The following FOXRED1 variants were observed in gnomAD, a reference collection of about 807,000 sequenced individuals.
FOXRED1 encodes the protein FAD dependent oxidoreductase domain containing 1.
In FOXRED1, 52 loss-of-function variants were observed where a neutral mutation model predicts 57.8. The ratio of observed to expected loss-of-function variants is 0.90; its 90% CI spans 0.72 to 1.13. The LOEUF (loss-of-function observed/expected upper bound fraction) is 1.13. Ranked by LOEUF, FOXRED1 falls within the 50% of genes most tolerant of loss-of-function variation. The pLI is 0.00. For synonymous variants in FOXRED1, 271 were observed against 248.3 expected (o/e 1.09, Z -0.86); for missense variants, 589 against 625.2 (o/e 0.94, Z 0.62).
chr11:126,270,174 T>C (rs1283966497), intron 1 of FOXRED1, among the ~76,000 whole-genome samples: 4 of 152,152 alleles, frequency 2.6e-5, no homozygotes, highest in Non-Finnish European at 4.4e-5. Flanking sequence ...GAGAAAAATA[T>C]TGTTCTTATG....
At position 126,269,226 on chromosome 11, in the gene FOXRED1, C is replaced by CG; in HGVS notation, c.21dup (p.His8AlafsTer29). On this transcript the variant is annotated frameshift_variant, in exon 1 of 11. Coordinates refer to ENST00000263578, the MANE Select transcript of FOXRED1 (RefSeq NM_017547.4). LOFTEE classifies it high-confidence loss of function. Reference sequence around the variant, plus strand: ...GGGGTTATGATTCGGAGGGTTCTGCCGCACGGCATGGGCCGGGGCCTCTTG... The same window carrying CG: ...GGGGTTATGATTCGGAGGGTTCTGCCGGCACGGCATGGGCCGGGGCCTCTTG... The CG allele has an allele frequency of 6.2e-7, 1 of 1,613,992 alleles. No homozygotes were observed. Among genetic ancestry groups the CG allele is most frequent in the Middle Eastern group, 1.7e-4 (1 of 6,012 alleles).
Position 126,272,002 on chromosome 11 carries a change from C to A in FOXRED1, c.306+345C>A. 3.0e-6 allele frequency: 1 copy of A among 329,704 alleles called. No individual in the cohort carries two copies. The highest frequency in any genetic ancestry group is 5.9e-6 in the Non-Finnish European group (1 of 169,082). The allele number at this position is 329,704 out of a possible 1,614,324, so 20.4% of individuals were successfully genotyped here. On this transcript the variant is annotated intron_variant, in intron 2 of 10. Transcript: ENST00000263578. The surrounding 1 kb of genome is among the most constrained non-coding windows in gnomAD (Gnocchi z 4.6). ...TTTGAGACAGAGTCTTGCTCTGTCA[C>A]CCAGGCTGGAGTGCAATGGCACAAT...
At chr11:126,276,360 T>G in intron 8 of FOXRED1, 34 bp from the exon 9 acceptor site, 1 of 1,107,274 alleles carries the variant, frequency 9.0e-7, no homozygotes, top group South Asian at 1.8e-5. Flanking sequence ...GGCCATGCTG[T>G]TTCTGCAGTT....
At position 126,277,476 on chromosome 11, in the gene FOXRED1, T is replaced by A. The variant is rs1303962711; in HGVS notation, c.1248T>A (p.Phe416Leu). 2 of 1,613,346 alleles carry A rather than the reference T, an allele frequency of 1.2e-6. No individual in the cohort carries two copies. The highest frequency in any genetic ancestry group is 8.5e-7 in the Non-Finnish European group (1 of 1,180,022). Residue 416 changes from phenylalanine to leucine, a missense_variant, in exon 11 of 11, where the codon TTT (phenylalanine) becomes TTA (leucine). Physicochemically the swap from Phe to Leu is conservative, Grantham distance 22 (BLOSUM62 0). Transcript: ENST00000263578. The surrounding 1 kb of genome is among the most constrained non-coding windows in gnomAD (Gnocchi z 6.8). Reference protein sequence around the residue: ...AWAGYYDYNTFDQNGVVGPHP... With the variant: ...AWAGYYDYNTLDQNGVVGPHP... ...CCGGCTATTACGACTACAACACCTT[T>A]GACCAGAATGGCGTGGTGGGCCCCC...
Position 126,271,351 on chromosome 11 carries a change from C to T in FOXRED1, c.86-86C>T. The T allele has an allele frequency of 3.1e-6, 3 of 968,538 alleles. No homozygotes were observed. Among genetic ancestry groups the T allele is most frequent in the Non-Finnish European group, 5.0e-6 (3 of 595,892 alleles). The allele number at this position is 968,538 out of a possible 1,614,324, so 60.0% of individuals were successfully genotyped here. The stretch of plus-strand genomic sequence containing the variant: ...ACTGCCAACTCATGTGTCTGTTTAG[C>T]TCACCTTTTCCTGTGCCCATCCTCC... On this transcript the variant is annotated intron_variant, in intron 1 of 10. Transcript: ENST00000263578. This position sits in a 1 kb window ranked among gnomAD's most constrained non-coding sequence, Gnocchi z 5.3.
Position 126,269,244 on chromosome 11 carries a change from G to C in FOXRED1, c.38G>C (p.Gly13Ala). The C allele has an allele frequency of 6.2e-7, 1 of 1,614,172 alleles. No homozygotes were observed. The highest frequency in any genetic ancestry group is 1.1e-5 in the South Asian group (1 of 91,088). ...RRVLPHGMGR[G>A]LLTRRPGTRR... is the part of the protein sequence containing the mutation. ...GTTCTGCCGCACGGCATGGGCCGGG[G>C]CCTCTTGACCCGGAGGCCAGGCACG... The change falls in exon 1 of 11, where the codon GGC (glycine) becomes GCC (alanine). Residue 13 changes from glycine (G) to alanine (A), a missense_variant. Transcript: ENST00000263578.
chr11:126,269,719 C>G (rs971932976), intron 1 of FOXRED1, among the ~76,000 whole-genome samples: 1 of 151,924 alleles, frequency 6.6e-6, no homozygotes, highest in African/African-American at 2.4e-5. Flanking sequence ...AGAGGCCGGG[C>G]GCGGGGCCTG....
In FOXRED1 at chr11:126,277,309, G is replaced by T; in HGVS notation, c.1207-126G>T. 7.6e-7 allele frequency: 1 copy of T among 1,319,994 alleles called. No homozygotes were observed. Among genetic ancestry groups the T allele is most frequent in the South Asian group, 1.2e-5 (1 of 84,558 alleles). 81.8% of individuals were successfully genotyped at this position (1,319,994 alleles called of 1,614,324 possible). On this transcript the variant is annotated intron_variant, in intron 10 of 10. Coordinates refer to ENST00000263578, the MANE Select transcript of FOXRED1 (RefSeq NM_017547.4). The surrounding 1 kb of genome is among the most constrained non-coding windows in gnomAD (Gnocchi z 6.8). ...GTCACAACTGCTAAGGAATTTCTTG[G>T]ACACATCCCATCCCATAGACCCCTC...
At position 126,274,921 on chromosome 11, in the gene FOXRED1, T is replaced by C; in HGVS notation, c.537-6T>C. ...ACACATACACCGACCCACACGTTTA[T>C]CTCAGGCAGGAGGGAGCCAAAGTTT... On this transcript the variant is annotated splice_region_variant and splice_polypyrimidine_tract_variant and intron_variant, in intron 4 of 10. Coordinates refer to ENST00000263578, the MANE Select transcript of FOXRED1 (RefSeq NM_017547.4). The surrounding 1 kb of genome is among the most constrained non-coding windows in gnomAD (Gnocchi z 4.8). 1 of 1,581,330 alleles carries C rather than the reference T, an allele frequency of 6.3e-7. No homozygotes were observed. The highest frequency in any genetic ancestry group is 8.7e-7 in the Non-Finnish European group (1 of 1,150,210).
Position 126,273,562 on chromosome 11 carries a change from G to T in FOXRED1, c.536+108G>T, listed in dbSNP as rs1339257979. The T allele has an allele frequency of 5.1e-6, 4 of 788,628 alleles. No homozygotes were observed. Among genetic ancestry groups the T allele is most frequent in the Admixed American group, 1.8e-5 (1 of 57,140 alleles). 48.9% of individuals were successfully genotyped at this position (788,628 alleles called of 1,614,324 possible). A position where few individuals can be genotyped will look rare whatever the true frequency, so the allele number is the denominator to read the frequency against. ...TGGAGTTGATAAGACAGATCCCTGC[G>T]GTCTAGGACCTCAGTGTGTCAGGAA... is the stretch of plus-strand genomic sequence containing the variant. On this transcript the variant is annotated intron_variant, in intron 4 of 10. Coordinates refer to ENST00000263578, the MANE Select transcript of FOXRED1 (RefSeq NM_017547.4). This position sits in a 1 kb window ranked among gnomAD's most constrained non-coding sequence, Gnocchi z 5.9.
rs1399036076 is a variant in FOXRED1 at position 126,277,029 on chromosome 11, T to C, written c.1102-42T>C. Reference sequence around the variant, plus strand: ...TTAAACAAGTCTGGGCCTGTCCTTGTGTCCCAGGCAATGTAAGCGTTGTCC... The same window carrying C: ...TTAAACAAGTCTGGGCCTGTCCTTGCGTCCCAGGCAATGTAAGCGTTGTCC... On this transcript the variant is annotated intron_variant, in intron 9 of 10. Coordinates refer to ENST00000263578, the MANE Select transcript of FOXRED1 (RefSeq NM_017547.4). The surrounding 1 kb of genome is among the most constrained non-coding windows in gnomAD (Gnocchi z 6.8). 1 of 1,205,056 alleles carries C rather than the reference T, an allele frequency of 8.3e-7. No homozygotes were observed. Among genetic ancestry groups the C allele is most frequent in the African/African-American group, 1.5e-5 (1 of 67,044 alleles). 74.6% of individuals were successfully genotyped at this position (1,205,056 alleles called of 1,614,324 possible).
Position 126,272,771 on chromosome 11 carries a change from T to C in FOXRED1, c.307-198T>C, listed in dbSNP as rs543497550. ...TCAGCTCTTTCCAGATGACTGACCC[T>C]CTCTGCTCTGCACATCCACTACTAA... On this transcript the variant is annotated intron_variant, in intron 2 of 10. Transcript: ENST00000263578. This position sits in a 1 kb window ranked among gnomAD's most constrained non-coding sequence, Gnocchi z 4.6. 8.3e-4 allele frequency: 538 copies of C among 645,116 alleles called. 2 individuals carry two copies. In the African/African-American group the frequency reaches 8.7e-3, roughly 10 times the overall value. The allele number at this position is 645,116 out of a possible 1,614,324, so 40.0% of individuals were successfully genotyped here. A position where few individuals can be genotyped will look rare whatever the true frequency, so the allele number is the denominator to read the frequency against.
At position 126,277,880 on chromosome 11, in the gene FOXRED1, G is replaced by C; in HGVS notation, c.*191G>C. 1 of 705,904 alleles carries C rather than the reference G, an allele frequency of 1.4e-6. No homozygotes were observed. Among genetic ancestry groups the C allele is most frequent in the South Asian group, 1.5e-5 (1 of 67,124 alleles). The allele number at this position is 705,904 out of a possible 1,614,324, so 43.7% of individuals were successfully genotyped here. ...AGTGAGGCCGAGGCCAATAGCGAGT[G>C]ATGAGCGGGATCCTAGGACTGATCT... is the stretch of plus-strand genomic sequence containing the variant. On this transcript the variant is annotated 3_prime_UTR_variant, in exon 11 of 11. Transcript: ENST00000263578. This position sits in a 1 kb window ranked among gnomAD's most constrained non-coding sequence, Gnocchi z 6.8.
Position 126,271,771 on chromosome 11 carries a change from C to T in FOXRED1, c.306+114C>T, listed in dbSNP as rs2135256844. The T allele has an allele frequency of 1.2e-6, 1 of 855,052 alleles. No individual in the cohort carries two copies. The allele number at this position is 855,052 out of a possible 1,614,324, so 53.0% of individuals were successfully genotyped here. On this transcript the variant is annotated intron_variant, in intron 2 of 10. Transcript: ENST00000263578. The surrounding 1 kb of genome is among the most constrained non-coding windows in gnomAD (Gnocchi z 5.3). Reference sequence around the variant, plus strand: ...GGGGAAGACCTCAATCTCGGAGGGTCCAACGGACAGAGATTGTGCTTTGGA... The same window carrying T: ...GGGGAAGACCTCAATCTCGGAGGGTTCAACGGACAGAGATTGTGCTTTGGA...
In FOXRED1 at chr11:126,276,372, GTAACC is replaced by G; in HGVS notation, c.972-21_972-17del. The stretch of plus-strand genomic sequence containing the variant: ...GCCGGCCATGCTGTTTCTGCAGTTC[GTAACC>G]GCACTGGTTGTGGCAGGTATGTGTA... On this transcript the variant is annotated splice_polypyrimidine_tract_variant and intron_variant, in intron 8 of 10. Coordinates refer to ENST00000263578, the MANE Select transcript of FOXRED1 (RefSeq NM_017547.4). The G allele has an allele frequency of 3.1e-6, 4 of 1,293,120 alleles. No homozygotes were observed. Among genetic ancestry groups the G allele is most frequent in the Non-Finnish European group, 4.0e-6 (4 of 1,004,402 alleles). 80.1% of individuals were successfully genotyped at this position (1,293,120 alleles called of 1,614,324 possible).
In FOXRED1 at chr11:126,275,731, GA is replaced by G; in HGVS notation, c.734-60del. 1.8e-6 allele frequency: 2 copies of G among 1,142,850 alleles called. No individual in the cohort carries two copies. Among genetic ancestry groups the G allele is most frequent in the Non-Finnish European group, 2.6e-6 (2 of 754,976 alleles). The allele number at this position is 1,142,850 out of a possible 1,614,324, so 70.8% of individuals were successfully genotyped here. On this transcript the variant is annotated intron_variant, in intron 6 of 10. Coordinates refer to ENST00000263578, the MANE Select transcript of FOXRED1 (RefSeq NM_017547.4). This position sits in a 1 kb window ranked among gnomAD's most constrained non-coding sequence, Gnocchi z 5.9. ...AGCTTTCTTTCCTTAAGAAACCAGT[GA>G]AATCCCCATTTCATTCCTCTTCAGC...
Position 126,275,521 on chromosome 11 carries a change from G to GA in FOXRED1, c.733+96dup, listed in dbSNP as rs367707794. On this transcript the variant is annotated intron_variant, in intron 6 of 10. Transcript: ENST00000263578. This position sits in a 1 kb window ranked among gnomAD's most constrained non-coding sequence, Gnocchi z 5.9. ...ACAAGCTAAGCAAGGGCTGGAGGGG[G>GA]AAAGGGGTCTCCCTGAGAGCAGGTC... 21 of 951,264 alleles carry GA rather than the reference G, an allele frequency of 2.2e-5. No individual in the cohort carries two copies. In the South Asian group the frequency reaches 2.8e-4, roughly 13 times the overall value. The allele number at this position is 951,264 out of a possible 1,614,324, so 58.9% of individuals were successfully genotyped here.
intron 1 of FOXRED1, among the ~76,000 whole-genome samples, chr11:126,270,555 T>A (rs532468886): frequency 6.6e-6 from 1 of 152,234 alleles, no homozygotes; most frequent in East Asian, 1.9e-4. Flanking sequence ...GTGGACACAG[T>A]TTAAAAGCAG....
rs746325021 is a variant in FOXRED1 at position 126,275,832 on chromosome 11, G to A, written c.772G>A (p.Asp258Asn). ...SSSQRMLTTD[D>N]KAVVLKRIHE... is the part of the protein sequence containing the mutation. ...ATCTCAACGCATGTTGACCACAGAT[G>A]ACAAAGCGGTGGTCTTGAAAAGGAT... Residue 258 changes from aspartate (D) to asparagine (N), a missense_variant, in exon 7 of 11, where the codon GAC becomes AAC. Physicochemically the swap from Asp to Asn is conservative, Grantham distance 23. Coordinates refer to ENST00000263578, the MANE Select transcript of FOXRED1 (RefSeq NM_017547.4). This position sits in a 1 kb window ranked among gnomAD's most constrained non-coding sequence, Gnocchi z 5.9. 68 of 1,613,078 alleles carry A rather than the reference G, an allele frequency of 4.2e-5. No homozygotes were observed. The highest frequency in any genetic ancestry group is 1.3e-5 in the Non-Finnish European group (15 of 1,179,258).
Sources: gnomAD v4.1 joint callset for allele counts (sites outside exome capture counted in the v4.1 genomes callset) on GRCh38, gnomAD v4.1.1 for gene constraint, Gnocchi (gnomAD v3.1) non-coding constraint, MANE v1.5 for transcripts, NCBI Gene and HGNC (gene_info 2026-07-23, HGNC 2026-07-21) for gene names.